The following ALOX5 variants were observed in gnomAD, a reference collection of about 807,000 sequenced individuals.
ALOX5 encodes arachidonate 5-lipoxygenase.
Under a neutral mutation model 87.9 loss-of-function variants are expected in ALOX5, and 64 were observed. That is an observed-to-expected ratio of 0.73 (90% confidence interval 0.60 to 0.90). The LOEUF is 0.90. Ranked by LOEUF, ALOX5 falls within the 40% of genes least tolerant of loss-of-function variation. The probability of loss-of-function intolerance (pLI) is 0.00; values close to 1 mark genes in which losing one functional copy is unlikely to be tolerated. For missense variants in ALOX5, 822 were observed against 907.5 expected (o/e 0.91, Z 1.21); for synonymous variants, 388 against 355.1 (o/e 1.09, Z -1.04).
chr10:45,440,304 T>C, intron 7 of ALOX5, 126 bp from the exon 8 acceptor site: 1 of 1,050,700 alleles, frequency 9.5e-7, no homozygotes, highest in Non-Finnish European at 1.4e-6. Flanking sequence ...TCCAGGCTCT[T>C]CTGATTCCAA....
At chr10:45,402,229 G>T (rs1392630795) in intron 3 of ALOX5, among the ~76,000 whole-genome samples, 2 of 151,908 alleles carry the variant, frequency 1.3e-5, no homozygotes, top group East Asian at 3.9e-4. Flanking sequence ...CAACCCTGTA[G>T]CTCCTTCTTC....
intron 4 of ALOX5, among the ~76,000 whole-genome samples, chr10:45,413,687 G>A (rs1280341620): frequency 1.3e-5 from 2 of 152,168 alleles, no homozygotes; most frequent in African/African-American, 2.4e-5. Context: ...TTTATATCTA[G>A]AAAACCCCAT....
chr10:45,409,970 C>G (rs917147727), intron 3 of ALOX5, among the ~76,000 whole-genome samples: 1 of 152,236 alleles, frequency 6.6e-6, no homozygotes, highest in African/African-American at 2.4e-5. Context: ...TAGACCAGGG[C>G]AGGGCATGGG....
At chr10:45,387,866 C>T (rs1840059985) in intron 2 of ALOX5, among the ~76,000 whole-genome samples, 1 of 152,214 alleles carries the variant, frequency 6.6e-6, no homozygotes. Context: ...CTACAGCTCC[C>T]AACATGAGCA....
At chr10:45,413,491 G>A (rs1347000926) in intron 4 of ALOX5, among the ~76,000 whole-genome samples, 1 of 152,178 alleles carries the variant, frequency 6.6e-6, no homozygotes, top group Admixed American at 6.5e-5. Context: ...ATATCATACT[G>A]AAGGAGCAAA....
chr10:45,417,803 T>G (rs566213705), intron 4 of ALOX5, among the ~76,000 whole-genome samples: 48 of 152,294 alleles, frequency 3.2e-4, no homozygotes, highest in Admixed American at 1.5e-3. Context: ...GCAGAGCATC[T>G]CTTGTCTCTG....
In ALOX5 at chr10:45,428,758, C is replaced by T; in HGVS notation, c.975C>T (p.Ala325=). The T allele has an allele frequency of 6.2e-7, 1 of 1,613,878 alleles. No homozygotes were observed. The highest frequency in any genetic ancestry group is 1.1e-5 in the South Asian group (1 of 91,068). The change falls in exon 7 of 14, where the codon GCC becomes GCT. Residue 325 remains alanine (A), a synonymous_variant. Transcript: ENST00000374391. ...KNLANKIVPI[A]IQLNQIPGDE... Reference sequence around the variant, plus strand: ...TGGCCAACAAGATTGTCCCCATTGCCATCCAGGTAGGCTGCTGGGGGGCAC... The same window carrying T: ...TGGCCAACAAGATTGTCCCCATTGCTATCCAGGTAGGCTGCTGGGGGGCAC...
chr10:45,436,384 G>A (rs1298006334), intron 7 of ALOX5, among the ~76,000 whole-genome samples: 1 of 152,142 alleles, frequency 6.6e-6, no homozygotes, highest in Non-Finnish European at 1.5e-5. Flanking sequence ...AAAGTTTGAA[G>A]TCTTACATTT....
intron 4 of ALOX5, among the ~76,000 whole-genome samples, chr10:45,414,637 C>A (rs1439758401): frequency 6.6e-6 from 1 of 152,156 alleles, no homozygotes; most frequent in Non-Finnish European, 1.5e-5. Context: ...AAACTACCAT[C>A]AGAGTGAACA....
Position 45,444,037 on chromosome 10 carries a change from C to G in ALOX5, c.1675-79C>G, listed in dbSNP as rs1019911914. ...CAGGGCCCGCTGGAGTTGGGGGGCA[C>G]GGGGAGGACGGGGCCCAGGGGGCAG... On this transcript the variant is annotated intron_variant, in intron 12 of 13. Transcript: ENST00000374391. 3.4e-6 allele frequency: 5 copies of G among 1,467,864 alleles called. No homozygotes were observed. The African/African-American group carries it at 7.1e-5, about 21-fold the overall frequency. 90.9% of individuals were successfully genotyped at this position (1,467,864 alleles called of 1,614,324 possible).
At position 45,440,415 on chromosome 10, in the gene ALOX5, C is replaced by T. The variant is rs1780844483; in HGVS notation, c.982-15C>T. ...TGAAATATAGCAGTGTGTTTCCTTT[C>T]CCCCAATGTATCAGCTCAACCAAAT... On this transcript the variant is annotated splice_polypyrimidine_tract_variant and intron_variant, in intron 7 of 13. Transcript: ENST00000374391. 2 of 1,612,436 alleles carry T rather than the reference C, an allele frequency of 1.2e-6. No individual in the cohort carries two copies. The highest frequency in any genetic ancestry group is 1.7e-6 in the Non-Finnish European group (2 of 1,178,620).
intron 2 of ALOX5, among the ~76,000 whole-genome samples, chr10:45,392,105 G>A (rs556243087): frequency 9.9e-5 from 15 of 151,610 alleles, no homozygotes; most frequent in East Asian, 4.0e-4. Context: ...CCCCCCGCCC[G>A]GCCAGCTGCC....
At chr10:45,412,146 A>G (rs1187673844) in intron 3 of ALOX5, 45 bp from the exon 4 acceptor site, 2 of 1,612,848 alleles carry the variant, frequency 1.2e-6, no homozygotes, top group African/African-American at 2.7e-5. Flanking sequence ...GGGGCAGACC[A>G]AAGGCTGGCA....
intron 10 of ALOX5, 98 bp from the exon 11 acceptor site, chr10:45,443,318 G>C (rs895013345): frequency 1.5e-5 from 23 of 1,580,646 alleles, no homozygotes; most frequent in Non-Finnish European, 1.8e-5. Flanking sequence ...GAATGGGGAC[G>C]GGGTGGGGGA....
At chr10:45,419,349 G>A (rs1036286644) in intron 4 of ALOX5, among the ~76,000 whole-genome samples, 3 of 152,228 alleles carry the variant, frequency 2.0e-5, no homozygotes, top group Admixed American at 6.5e-5. Context: ...AGGAGGCTGG[G>A]GCGAAGATGA....
intron 2 of ALOX5, among the ~76,000 whole-genome samples, chr10:45,393,351 A>G (rs2132710224): frequency 6.6e-6 from 1 of 152,206 alleles, no homozygotes; most frequent in East Asian, 1.9e-4. Context: ...AAAGACAAAA[A>G]CCACATGATT....
In ALOX5 at chr10:45,400,410, G is replaced by A. The variant is rs939465229; in HGVS notation, c.431+4474G>A. On this transcript the variant is annotated intron_variant, in intron 3 of 13. Coordinates refer to ENST00000374391, the MANE Select transcript of ALOX5 (RefSeq NM_000698.5). The stretch of plus-strand genomic sequence containing the variant: ...AGGTCAGGAGTTTGAGACCAACCTG[G>A]CCAACATGGTGAAACCCCATGTCTA... Among the ~76,000 whole-genome samples the A allele has an allele frequency of 3.3e-5, 5 of 152,032 alleles. 1 individual carries two copies. Among genetic ancestry groups the A allele is most frequent in the Admixed American group, 3.3e-4 (5 of 15,262 alleles).
chr10:45,389,762 A>G (rs1422371429), intron 2 of ALOX5, among the ~76,000 whole-genome samples: 1 of 152,252 alleles, frequency 6.6e-6, no homozygotes, highest in East Asian at 1.9e-4. Flanking sequence ...AAGACCATCA[A>G]TGCTAGGAAG....
chr10:45,445,837 A>G lies in ALOX5; in HGVS notation c.*150A>G, dbSNP rs1375311599. The G allele has an allele frequency of 3.5e-6, 3 of 858,806 alleles. No individual in the cohort carries two copies. The highest frequency in any genetic ancestry group is 2.7e-5 in the Admixed American group (1 of 36,446). 53.2% of individuals were successfully genotyped at this position (858,806 alleles called of 1,614,324 possible). ...CCATTTATTCTTTGATCTTCAGGGA[A>G]CTGCATAGATTGATCAAAGTGTAAA... On this transcript the variant is annotated 3_prime_UTR_variant, in exon 14 of 14. Coordinates refer to ENST00000374391, the MANE Select transcript of ALOX5 (RefSeq NM_000698.5).
Sources: allele counts gnomAD v4.1 joint callset (sites outside exome capture counted in the v4.1 genomes callset), GRCh38; gene constraint gnomAD v4.1.1; transcripts MANE v1.5; gene names NCBI Gene and HGNC (gene_info 2026-07-23, HGNC 2026-07-21).